Variants in SCFD2 observed in about 807,000 individuals in gnomAD.
SCFD2 encodes the protein sec1 family domain-containing protein 2.
In SCFD2, 54 loss-of-function variants were observed where a neutral mutation model predicts 58.9. The ratio of observed to expected loss-of-function variants is 0.92; its 90% CI spans 0.74 to 1.15. The LOEUF is 1.15. SCFD2 is among the 50% of genes most tolerant of loss of function. The pLI, the probability that SCFD2 is intolerant of heterozygous loss-of-function variation, is 0.00. For synonymous variants in SCFD2, 321 were observed against 335.9 expected (o/e 0.96, Z 0.49); for missense variants, 805 against 836.6 (o/e 0.96, Z 0.47).
intron 3 of SCFD2, among the ~76,000 whole-genome samples, chr4:53,296,206 G>A (rs1308016357): frequency 1.3e-5 from 2 of 152,156 alleles, no homozygotes; most frequent in Non-Finnish European, 2.9e-5. Flanking sequence ...AGTTTCAGAA[G>A]GAATGGTACC....
chr4:53,328,527 G>C (rs183061386), intron 2 of SCFD2, among the ~76,000 whole-genome samples: 328 of 152,192 alleles, frequency 2.2e-3, no homozygotes, highest in Non-Finnish European at 4.1e-3. Context: ...TAAAAAATGA[G>C]TTATAACCCA....
At chr4:53,225,634 C>T (rs1255865020) in intron 4 of SCFD2, among the ~76,000 whole-genome samples, 5 of 152,120 alleles carry the variant, frequency 3.3e-5, no homozygotes, top group East Asian at 3.9e-4. Context: ...TGCCAAAGGG[C>T]GACTACCTGA....
chr4:53,045,494 CTTA>C (rs1723018060), intron 5 of SCFD2, among the ~76,000 whole-genome samples: 1 of 152,034 alleles, frequency 6.6e-6, no homozygotes, highest in Non-Finnish European at 1.5e-5. Flanking sequence ...ATATCCAGAA[CTTA>C]TTATTTCGTA....
chr4:53,278,985 G>A (rs758591546), intron 3 of SCFD2, among the ~76,000 whole-genome samples: 8 of 150,878 alleles, frequency 5.3e-5, no homozygotes, highest in Non-Finnish European at 1.2e-4. Context: ...CATCAAAAAT[G>A]CTGCAGTAAG....
intron 5 of SCFD2, among the ~76,000 whole-genome samples, chr4:53,039,891 A>C (rs537485351): frequency 6.8e-4 from 104 of 152,302 alleles, no homozygotes; most frequent in South Asian, 6.6e-3. Context: ...CCCTGCCTCT[A>C]TGCTGACTTC....
At chr4:52,895,408 G>T (rs1258282813) in intron 7 of SCFD2, among the ~76,000 whole-genome samples, 3 of 152,138 alleles carry the variant, frequency 2.0e-5, no homozygotes, top group Non-Finnish European at 4.4e-5. Flanking sequence ...ACCTATGAGT[G>T]AGAACATGCG....
Position 52,935,401 on chromosome 4 carries a change from A to T in SCFD2, c.1562-14531T>A, listed in dbSNP as rs1720110868. Among the ~76,000 whole-genome samples the T allele has an allele frequency of 2.0e-5, 3 of 152,220 alleles. 1 individual carries two copies. In the South Asian group the frequency reaches 6.2e-4, roughly 32 times the overall value. The stretch of plus-strand genomic sequence containing the variant: ...ATTCCACCTTGAAAGCTAATCTACC[A>T]TGTTGGCTCCTGATCAACACCTGTT... On this transcript the variant is annotated intron_variant, in intron 5 of 8. Transcript: ENST00000401642.
intron 5 of SCFD2, among the ~76,000 whole-genome samples, chr4:52,932,540 CT>C (rs147698950): frequency 1.3e-5 from 2 of 151,858 alleles, no homozygotes; most frequent in African/African-American, 2.4e-5. Context: ...ATAGTAGTGT[CT>C]TTTTTTTCAT....
intron 4 of SCFD2, among the ~76,000 whole-genome samples, chr4:53,172,559 A>G (rs1577801033): frequency 6.6e-6 from 1 of 152,072 alleles, no homozygotes; most frequent in Non-Finnish European, 1.5e-5. Context: ...CATTTTTCTC[A>G]GGACATTTTT....
At chr4:53,273,795 A>G (rs1306246090) in intron 4 of SCFD2, 31 bp downstream of exon 4, 4 of 1,564,208 alleles carry the variant, frequency 2.6e-6, no homozygotes, top group African/African-American at 1.4e-5. Context: ...ATTAATTATT[A>G]AGATCCCACG....
At chr4:53,094,255 GC>G in intron 5 of SCFD2, among the ~76,000 whole-genome samples, 1 of 152,032 alleles carries the variant, frequency 6.6e-6, no homozygotes. Flanking sequence ...TGCTACGGAT[GC>G]CATAACAAAT....
Position 52,976,207 on chromosome 4 carries a change from G to A in SCFD2, c.1562-55337C>T, listed in dbSNP as rs148023540. On this transcript the variant is annotated intron_variant, in intron 5 of 8. Coordinates refer to ENST00000401642, the MANE Select transcript of SCFD2 (RefSeq NM_152540.4). ...ATTGGTTGTTTCTAAGATTCTATTC[G>A]TGTACAAATTTGAAGGCTTTGTAAA... Among the ~76,000 whole-genome samples, 16 of 152,038 alleles carry A rather than the reference G, an allele frequency of 1.1e-4. No individual in the cohort carries two copies. The East Asian group carries it at 1.2e-3, about 11-fold the overall frequency.
chr4:53,237,856 C>G (rs1415666751), intron 4 of SCFD2, among the ~76,000 whole-genome samples: 1 of 174 alleles, frequency 5.7e-3, no homozygotes, highest in Admixed American at 0.033. Context: ...CGGGCAGAGG[C>G]GCCCCCCACC....
At chr4:53,258,780 T>G (rs1730738923) in intron 4 of SCFD2, among the ~76,000 whole-genome samples, 1 of 151,916 alleles carries the variant, frequency 6.6e-6, no homozygotes, top group South Asian at 2.1e-4. Flanking sequence ...AGATCTACTT[T>G]TAGTTCCTTA....
intron 4 of SCFD2, among the ~76,000 whole-genome samples, chr4:53,200,773 C>T (rs1252264212): frequency 6.6e-6 from 1 of 152,140 alleles, no homozygotes; most frequent in Non-Finnish European, 1.5e-5. Context: ...ATTTAGCCTA[C>T]ATTGTGACCT....
chr4:53,354,589 C>A (rs571022775), intron 1 of SCFD2, among the ~76,000 whole-genome samples: 1 of 152,310 alleles, frequency 6.6e-6, no homozygotes, highest in East Asian at 1.9e-4. Context: ...GCCGAGGAGG[C>A]ACTGAGAGCG....
chr4:52,994,655 G>T (rs1031530763), intron 5 of SCFD2, among the ~76,000 whole-genome samples: 1 of 152,104 alleles, frequency 6.6e-6, no homozygotes, highest in African/African-American at 2.4e-5. Flanking sequence ...TACTCCACTC[G>T]ACAGATATAC....
chr4:53,230,966 G>A (rs1463193212), intron 4 of SCFD2, among the ~76,000 whole-genome samples: 1 of 152,008 alleles, frequency 6.6e-6, no homozygotes, highest in Non-Finnish European at 1.5e-5. Flanking sequence ...CATATTCCAA[G>A]TGAAGTGAAA....
intron 8 of SCFD2, among the ~76,000 whole-genome samples, chr4:52,882,635 C>T (rs1227352471): frequency 6.6e-6 from 1 of 152,174 alleles, no homozygotes; most frequent in African/African-American, 2.4e-5. Context: ...CTTAGTCTCC[C>T]AGCCTACATC....
Sources: gnomAD v4.1 joint callset for allele counts (sites outside exome capture counted in the v4.1 genomes callset) on GRCh38, gnomAD v4.1.1 for gene constraint, MANE v1.5 for transcripts, NCBI Gene and HGNC (gene_info 2026-07-23, HGNC 2026-07-21) for gene names.